The following TMC1 variants were observed in gnomAD, a reference collection of about 807,000 sequenced individuals.
The protein encoded by TMC1 is transmembrane channel-like protein 1.
TMC1 carries 84 observed loss-of-function variants against 105.8 expected under a neutral mutation model. That is an observed-to-expected ratio of 0.79 (90% CI 0.67 to 0.95). The LOEUF (loss-of-function observed/expected upper bound fraction) is 0.95, where lower values mean the gene tolerates loss of function less well. Among genes scored for constraint, TMC1 ranks in the 40% least tolerant of loss-of-function variants. The pLI is 0.00. For missense variants in TMC1, 817 were observed against 914.1 expected, an observed-to-expected ratio of 0.89 and a Z score of 1.37; for synonymous variants, 315 against 311.5, an observed-to-expected ratio of 1.01 and a Z score of -0.12.
chr9:72,833,828 C>T (rs1163259910), intron 23 of TMC1, among the ~76,000 whole-genome samples: 1 of 152,124 alleles, frequency 6.6e-6, no homozygotes, highest in Non-Finnish European at 1.5e-5. Flanking sequence ...CTTTCTTGAG[C>T]AACTTGTATT....
At chr9:72,635,971 A>G (rs1234840773) in intron 4 of TMC1, among the ~76,000 whole-genome samples, 4 of 152,182 alleles carry the variant, frequency 2.6e-5, no homozygotes, top group Admixed American at 6.5e-5. Flanking sequence ...TATGCTGGGA[A>G]ATCTACCAAA....
rs530258791 is a variant in TMC1 at position 72,713,865 on chromosome 9, G to A, written c.362+13222G>A. On this transcript the variant is annotated intron_variant, in intron 8 of 23. Coordinates refer to ENST00000297784, the MANE Select transcript of TMC1 (RefSeq NM_138691.3). Reference sequence around the variant, plus strand: ...GTTCTTTTAATTGTGATTTTAGGGTGTCGATTTTAGATCTTTCTTTCTTTC... The same window carrying A: ...GTTCTTTTAATTGTGATTTTAGGGTATCGATTTTAGATCTTTCTTTCTTTC... Among the ~76,000 whole-genome samples, 33 of 152,018 alleles carry A rather than the reference G, an allele frequency of 2.2e-4. 3 individuals are homozygous for A. In the South Asian group the frequency reaches 5.0e-3, roughly 23 times the overall value.
At chr9:72,779,664 A>T (rs1828060260) in intron 13 of TMC1, among the ~76,000 whole-genome samples, 1 of 152,200 alleles carries the variant, frequency 6.6e-6, no homozygotes, top group African/African-American at 2.4e-5. Context: ...AAAGAATCTC[A>T]GAGCTCAAAA....
chr9:72,631,225 T>G (rs1825444037), intron 4 of TMC1, among the ~76,000 whole-genome samples: 1 of 152,250 alleles, frequency 6.6e-6, no homozygotes, highest in South Asian at 2.1e-4. Flanking sequence ...AGTAAAAATT[T>G]GTAATTTAAA....
intron 10 of TMC1, among the ~76,000 whole-genome samples, chr9:72,751,141 C>CTCTGTATATCTATG (rs1205504151): frequency 6.6e-6 from 1 of 152,212 alleles, no homozygotes; most frequent in Non-Finnish European, 1.5e-5. Flanking sequence ...GTATCTCTAT[C>CTCTGTATATCTATG]TCTGTATCTT....
At chr9:72,644,390 G>T in intron 4 of TMC1, among the ~76,000 whole-genome samples, 1 of 151,744 alleles carries the variant, frequency 6.6e-6, no homozygotes, top group Non-Finnish European at 1.5e-5. Flanking sequence ...TATAGTTTTA[G>T]GTTTTACATT....
chr9:72,631,677 G>A (rs1157758149), intron 4 of TMC1, among the ~76,000 whole-genome samples: 1 of 152,188 alleles, frequency 6.6e-6, no homozygotes, highest in African/African-American at 2.4e-5. Context: ...AGCAAGTTGA[G>A]GGGGGAAGCA....
intron 2 of TMC1, among the ~76,000 whole-genome samples, chr9:72,596,539 T>TAAAAAAAAA: frequency 9.8e-6 from 1 of 102,272 alleles, no homozygotes; most frequent in Non-Finnish European, 1.9e-5. Flanking sequence ...GTTTCAATTG[T>TAAAAAAAAA]AAAAAAAAAA....
chr9:72,734,564 T>C (rs1827266634), intron 8 of TMC1, among the ~76,000 whole-genome samples: 1 of 152,042 alleles, frequency 6.6e-6, no homozygotes, highest in Non-Finnish European at 1.5e-5. Context: ...CTAGTTCTTA[T>C]TTTTAATCTT....
intron 23 of TMC1, among the ~76,000 whole-genome samples, chr9:72,835,728 A>G (rs372530983): frequency 2.1e-5 from 3 of 145,840 alleles, no homozygotes; most frequent in Admixed American, 6.9e-5. Context: ...TGCCTTGTTT[A>G]GAATATGTGA....
intron 10 of TMC1, among the ~76,000 whole-genome samples, chr9:72,744,815 G>A (rs1364158073): frequency 1.3e-5 from 2 of 152,100 alleles, no homozygotes; most frequent in Admixed American, 6.5e-5. Flanking sequence ...GTTCCAATAG[G>A]CTATAGCCAG....
intron 5 of TMC1, among the ~76,000 whole-genome samples, chr9:72,671,854 T>G (rs940341549): frequency 2.0e-5 from 3 of 152,330 alleles, no homozygotes; most frequent in African/African-American, 7.2e-5. Context: ...ACAGGGAGTA[T>G]CAATCATTAT....
At chr9:72,565,731 G>A (rs1824140319) in intron 1 of TMC1, among the ~76,000 whole-genome samples, 1 of 152,200 alleles carries the variant, frequency 6.6e-6, no homozygotes, top group African/African-American at 2.4e-5. Flanking sequence ...GAAGGTGAAG[G>A]AGGAGCAAAG....
chr9:72,787,141 G>A (rs1424221480), intron 13 of TMC1, among the ~76,000 whole-genome samples: 1 of 151,948 alleles, frequency 6.6e-6, no homozygotes, highest in Non-Finnish European at 1.5e-5. Context: ...GCTGGATAAT[G>A]TCCAGAAAAT....
chr9:72,827,138 G>T, intron 21 of TMC1, 144 bp downstream of exon 21: 1 of 1,118,538 alleles, frequency 8.9e-7, no homozygotes. Context: ...ATGGTGGTGA[G>T]AGGCTAAAAT....
intron 1 of TMC1, among the ~76,000 whole-genome samples, chr9:72,565,882 C>T (rs1824143873): frequency 6.6e-6 from 1 of 152,180 alleles, no homozygotes; most frequent in African/African-American, 2.4e-5. Context: ...TACCTCCCAC[C>T]AGCTCCCCTC....
intron 12 of TMC1, among the ~76,000 whole-genome samples, chr9:72,762,975 A>G (rs1342041386): frequency 6.6e-6 from 1 of 151,524 alleles, no homozygotes; most frequent in Non-Finnish European, 1.5e-5. Flanking sequence ...GAGTGACTTT[A>G]TGACACAGCT....
chr9:72,590,791 G>A (rs186745493), intron 2 of TMC1, among the ~76,000 whole-genome samples: 1 of 152,260 alleles, frequency 6.6e-6, no homozygotes, highest in Non-Finnish European at 1.5e-5. Context: ...ATAATTTATT[G>A]TTGCAAACAG....
intron 5 of TMC1, among the ~76,000 whole-genome samples, chr9:72,672,184 A>G (rs1053742643): frequency 6.6e-6 from 1 of 151,848 alleles, no homozygotes; most frequent in Non-Finnish European, 1.5e-5. Context: ...CCTTTTTAGC[A>G]TTTTCTTTGT....
Sources: allele counts gnomAD v4.1 joint callset (sites outside exome capture counted in the v4.1 genomes callset), GRCh38; gene constraint gnomAD v4.1.1; transcripts MANE v1.5; gene names NCBI Gene and HGNC (gene_info 2026-07-23, HGNC 2026-07-21).